The following IL36B variants were observed in gnomAD, a reference collection of about 807,000 sequenced individuals.
IL36B encodes interleukin 36 beta, also known as interleukin-36 beta.
IL36B carries 23 observed loss-of-function variants against 19.3 expected under a neutral mutation model. The ratio of observed to expected loss-of-function variants is 1.19; its 90% CI spans 0.86 to 1.69. The LOEUF is 1.69. Ranked by LOEUF, IL36B falls within the 40% of genes most tolerant of loss-of-function variation. The pLI is 0.00. For missense variants in IL36B, 217 were observed against 200.5 expected, an observed-to-expected ratio of 1.08 and a Z score of -0.50; for synonymous variants, 59 against 59.7, an observed-to-expected ratio of 0.99 and a Z score of 0.05.
intron 1 of IL36B, among the ~76,000 whole-genome samples, chr2:113,045,153 A>G (rs1456227602): frequency 6.6e-6 from 1 of 152,136 alleles, no homozygotes; most frequent in Non-Finnish European, 1.5e-5. Flanking sequence ...TAAAATTCTT[A>G]TTTCCATACA....
rs771447307 is a variant in IL36B at position 113,031,721 on chromosome 2, A to C, written c.-12T>G. On this transcript the variant is annotated 5_prime_UTR_variant, in exon 2 of 6. Transcript: ENST00000259213. ...CGTTGTGGGTTCATGATGTCTTCAG[A>C]GCCTTTTGTGAAGAGAACAAGATAG... 1.2e-6 allele frequency: 2 copies of C among 1,608,768 alleles called. No individual in the cohort carries two copies. The highest frequency in any genetic ancestry group is 2.2e-5 in the South Asian group (2 of 90,932).
In IL36B at chr2:113,026,207, C is replaced by T; in HGVS notation, c.287G>A (p.Gly96Glu). Residue 96 changes from glycine to glutamate, a missense_variant, in exon 5 of 6, where the codon GGG becomes GAG. Gly to Glu is a moderately conservative substitution (Grantham distance 98, BLOSUM62 -2). Coordinates refer to ENST00000259213, the MANE Select transcript of IL36B (RefSeq NM_014438.5). ...AACTAGTTTCCAGCAAGTGTCCTTC[C>T]CTATGTTATCTTGGGAGCCCTGAAG... 6.2e-7 allele frequency: 1 copy of T among 1,613,830 alleles called. No homozygotes were observed.
chr2:113,030,557 G>A (rs1177368757), intron 3 of IL36B, among the ~76,000 whole-genome samples: 1 of 152,216 alleles, frequency 6.6e-6, no homozygotes, highest in African/African-American at 2.4e-5. Context: ...GAATTTGCAG[G>A]GAAGCGAGGA....
chr2:113,049,696 T>C (rs1421395507), intron 1 of IL36B, among the ~76,000 whole-genome samples: 1 of 152,232 alleles, frequency 6.6e-6, no homozygotes, highest in East Asian at 1.9e-4. Context: ...GGCTTATGCC[T>C]GTAATCCCAG....
intron 1 of IL36B, among the ~76,000 whole-genome samples, chr2:113,043,384 T>C (rs1389235292): frequency 6.6e-6 from 1 of 152,224 alleles, no homozygotes; most frequent in Non-Finnish European, 1.5e-5. Flanking sequence ...TTCTTCTATG[T>C]TTAATTATGA....
At chr2:113,029,179 G>T in intron 3 of IL36B, 101 bp from the exon 4 acceptor site, 1 of 1,245,734 alleles carries the variant, frequency 8.0e-7, no homozygotes, top group Non-Finnish European at 1.1e-6. Flanking sequence ...CCTCCCATTA[G>T]CCATGTGGCA....
At chr2:113,045,882 G>A (rs2105056305) in intron 1 of IL36B, among the ~76,000 whole-genome samples, 1 of 152,176 alleles carries the variant, frequency 6.6e-6, no homozygotes, top group South Asian at 2.1e-4. Flanking sequence ...ATTTTAATGT[G>A]TATTTGTTCA....
chr2:113,025,571 C>T (rs1295773286), intron 5 of IL36B, among the ~76,000 whole-genome samples: 3 of 152,126 alleles, frequency 2.0e-5, no homozygotes, highest in East Asian at 3.9e-4. Flanking sequence ...GGAGAAGAAG[C>T]TATAGCACAA....
chr2:113,028,107 A>G lies in IL36B; in HGVS notation c.261+832T>C, dbSNP rs771790331. 2.5e-6 allele frequency: 4 copies of G among 1,613,616 alleles called. No homozygotes were observed. The Admixed American group carries it at 6.7e-5, about 27-fold the overall frequency. The stretch of plus-strand genomic sequence containing the variant: ...TCTTCTCCACATACAGGTCCATGAT[A>G]TTTTTTTCCTGGGGGTGGAAAAGAG... On this transcript the variant is annotated intron_variant, in intron 4 of 5. Coordinates refer to ENST00000259213, the MANE Select transcript of IL36B (RefSeq NM_014438.5).
chr2:113,036,047 A>C lies in IL36B; in HGVS notation c.-57-4281T>G, dbSNP rs112656030. ...AACCTCCGCCCCACCCGGGTTCAAGAAATTCTCCTGCCTCAGCCTCCCAAG... is the reference window on the plus strand; with the variant it reads ...AACCTCCGCCCCACCCGGGTTCAAGCAATTCTCCTGCCTCAGCCTCCCAAG... On this transcript the variant is annotated intron_variant, in intron 1 of 5. Transcript: ENST00000259213. Among the ~76,000 whole-genome samples, 578 of 152,158 alleles carry C rather than the reference A, an allele frequency of 3.8e-3. 4 individuals are homozygous for C. The highest frequency in any genetic ancestry group is 0.013 in the African/African-American group (529 of 41,522).
chr2:113,034,080 C>T (rs902418306), intron 1 of IL36B, among the ~76,000 whole-genome samples: 75 of 152,274 alleles, frequency 4.9e-4, no homozygotes, highest in African/African-American at 1.8e-3. Context: ...GACTCTCTTG[C>T]ACAGAACCCT....
rs1685186130 is a variant in IL36B, at chr2:113,037,614, A to C, written c.-57-5848T>G. On this transcript the variant is annotated intron_variant, in intron 1 of 5. Coordinates refer to ENST00000259213, the MANE Select transcript of IL36B (RefSeq NM_014438.5). ...CGGTGAGCTGAAATCACGCCACTGC[A>C]CTCCAACCTGGGCAACAAGAGCAAA... Among the ~76,000 whole-genome samples the C allele has an allele frequency of 2.0e-5, 3 of 151,358 alleles. No homozygotes were observed. The East Asian group carries it at 5.8e-4, about 29-fold the overall frequency.
intron 1 of IL36B, among the ~76,000 whole-genome samples, chr2:113,038,561 G>T (rs1685197371): frequency 6.6e-6 from 1 of 152,236 alleles, no homozygotes; most frequent in Non-Finnish European, 1.5e-5. Flanking sequence ...CACTGTGGTA[G>T]TTTGTGCAGA....
intron 1 of IL36B, among the ~76,000 whole-genome samples, chr2:113,036,738 G>T (rs972659475): frequency 6.6e-6 from 1 of 150,560 alleles, no homozygotes; most frequent in Non-Finnish European, 1.5e-5. Flanking sequence ...TGCCCAGAGC[G>T]CCTTATCCTG....
chr2:113,033,857 A>G (rs1047481470), intron 1 of IL36B, among the ~76,000 whole-genome samples: 3 of 152,176 alleles, frequency 2.0e-5, no homozygotes, highest in Non-Finnish European at 4.4e-5. Flanking sequence ...CGCGGCTTCA[A>G]TGTTGGCTAT....
chr2:113,034,893 T>C (rs1685140081), intron 1 of IL36B, among the ~76,000 whole-genome samples: 1 of 152,186 alleles, frequency 6.6e-6, no homozygotes, highest in South Asian at 2.1e-4. Context: ...CTTGGCTCCT[T>C]GGCCAGGGCA....
intron 2 of IL36B, 118 bp downstream of exon 2, chr2:113,031,579 G>T: frequency 1.1e-6 from 1 of 896,196 alleles, no homozygotes; most frequent in Non-Finnish European, 1.8e-6. Flanking sequence ...GGAACTGAGT[G>T]TTTTAGCAAG....
At chr2:113,038,045 G>A (rs142388681) in intron 1 of IL36B, among the ~76,000 whole-genome samples, 2 of 152,324 alleles carry the variant, frequency 1.3e-5, no homozygotes, top group African/African-American at 2.4e-5. Flanking sequence ...AAGTCTGGTA[G>A]TACTGCTCCT....
intron 1 of IL36B, among the ~76,000 whole-genome samples, chr2:113,048,275 T>C (rs1031976355): frequency 6.6e-6 from 1 of 152,094 alleles, no homozygotes; most frequent in African/African-American, 2.4e-5. Flanking sequence ...TTGTATTAAA[T>C]TGTAAAAAAT....
Sources: gnomAD v4.1 joint callset for allele counts (sites outside exome capture counted in the v4.1 genomes callset) on GRCh38, gnomAD v4.1.1 for gene constraint, MANE v1.5 for transcripts, NCBI Gene and HGNC (gene_info 2026-07-23, HGNC 2026-07-21) for gene names.